UBA3: variants seen among roughly 807,000 people sequenced by gnomAD.
UBA3 encodes ubiquitin like modifier activating enzyme 3.
Under a neutral mutation model 73.5 loss-of-function variants are expected in UBA3, and 26 were observed. The ratio of observed to expected loss-of-function variants is 0.35; its 90% confidence interval spans 0.26 to 0.49. The LOEUF (loss-of-function observed/expected upper bound fraction) is 0.49. Among genes scored for constraint, UBA3 ranks in the 20% least tolerant of loss-of-function variants. The pLI, the probability that UBA3 is intolerant of heterozygous loss-of-function variation, is 0.98. For missense variants in UBA3, 495 were observed against 555.6 expected, an observed-to-expected ratio of 0.89 and a Z score of 1.10; for synonymous variants, 217 against 191.2, an observed-to-expected ratio of 1.13 and a Z score of -1.11.
chr3:69,075,730 C>CT (rs60272924), intron 3 of UBA3, among the ~76,000 whole-genome samples: 34,836 of 149,588 alleles, frequency 0.23, 4,081 homozygotes, highest in East Asian at 0.38. Flanking sequence ...GTTAATTTTT[C>CT]TTTTTTTTTT....
Position 69,072,858 on chromosome 3 carries a change from GA to G in UBA3, c.265-1242del, listed in dbSNP as rs1450603725. 2.6e-5 allele frequency among the ~76,000 whole-genome samples: 4 copies of G among 152,256 alleles called. No homozygotes were observed. The East Asian group carries it at 5.8e-4, about 22-fold the overall frequency. ...CCATCTTTCCAGGTGCCCGCCCCTA[GA>G]GCAAAAACCTTGTTGTATCATCCTC... On this transcript the variant is annotated intron_variant, in intron 4 of 17. Transcript: ENST00000361055.
At chr3:69,059,457 T>A (rs983297921) in intron 11 of UBA3, among the ~76,000 whole-genome samples, 1 of 152,130 alleles carries the variant, frequency 6.6e-6, no homozygotes, top group Non-Finnish European at 1.5e-5. Context: ...AAAAATAGAA[T>A]GGTGAATGGC....
chr3:69,071,749 A>T (rs145840595), intron 4 of UBA3, 132 bp from the exon 5 acceptor site: 17 of 560,800 alleles, frequency 3.0e-5, no homozygotes, highest in Non-Finnish European at 3.1e-6. Context: ...TCAATGGCTG[A>T]AAGACTCTTG....
At position 69,071,546 on chromosome 3, in the gene UBA3, C is replaced by G; in HGVS notation, c.336G>C (p.Gln112His). 6.5e-7 allele frequency: 1 copy of G among 1,538,170 alleles called. No individual in the cohort carries two copies. The highest frequency in any genetic ancestry group is 2.4e-5 in the East Asian group (1 of 42,268). The change falls in exon 5 of 18, where the codon CAG (glutamine) becomes CAC (histidine). Residue 112 changes from glutamine to histidine, a missense_variant. Transcript: ENST00000361055. ...ATATTAAAACTTACCTAAATAAAAACTGCCTATTTAGATTGGAAACATCTA... is the reference window on the plus strand; with the variant it reads ...ATATTAAAACTTACCTAAATAAAAAGTGCCTATTTAGATTGGAAACATCTA... ...DTIDVSNLNR[Q>H]FLFRPKDIGR... is the part of the protein sequence containing the mutation.
chr3:69,069,472 A>C (rs1234763151), intron 5 of UBA3, among the ~76,000 whole-genome samples: 1 of 152,046 alleles, frequency 6.6e-6, no homozygotes, highest in East Asian at 1.9e-4. Flanking sequence ...GACTACGGGC[A>C]TGAGTCACTA....
chr3:69,067,270 A>G (rs2092080426), intron 6 of UBA3, among the ~76,000 whole-genome samples: 1 of 152,198 alleles, frequency 6.6e-6, no homozygotes, highest in Admixed American at 6.5e-5. Context: ...TTTTCACTAT[A>G]TAAATCTCTT....
chr3:69,068,323 T>C (rs778768576), intron 5 of UBA3, among the ~76,000 whole-genome samples: 3 of 152,078 alleles, frequency 2.0e-5, no homozygotes, highest in East Asian at 1.9e-4. Context: ...CTTTCCACTG[T>C]AAAAAATTAT....
At chr3:69,078,008 A>G in intron 2 of UBA3, 90 bp from the exon 3 acceptor site, 1 of 1,421,488 alleles carries the variant, frequency 7.0e-7, no homozygotes. Context: ...TGAAAAGGTA[A>G]CCACACCAGA....
intron 2 of UBA3, among the ~76,000 whole-genome samples, chr3:69,079,259 TTTAA>T (rs1239251862): frequency 1.3e-5 from 2 of 152,196 alleles, no homozygotes; most frequent in Non-Finnish European, 2.9e-5. Flanking sequence ...GTAAGCAATG[TTTAA>T]TTGTGATTTC....
chr3:69,070,391 C>T (rs1293937243), intron 5 of UBA3, among the ~76,000 whole-genome samples: 1 of 152,146 alleles, frequency 6.6e-6, no homozygotes, highest in Non-Finnish European at 1.5e-5. Context: ...GGTTTTATGC[C>T]TATCCAAAAA....
chr3:69,071,475 A>G, intron 5 of UBA3, 60 bp downstream of exon 5: 2 of 902,068 alleles, frequency 2.2e-6, no homozygotes, highest in Non-Finnish European at 1.7e-6. Flanking sequence ...ACTGCAATGT[A>G]CAAGTTCAAA....
At chr3:69,067,843 A>G (rs1158872024) in intron 6 of UBA3, 85 bp downstream of exon 6, 2 of 997,994 alleles carry the variant, frequency 2.0e-6, no homozygotes, top group Middle Eastern at 2.4e-4. Context: ...CCTCTTGCTT[A>G]TCTGTATTCT....
At chr3:69,067,834 C>G (rs920486087) in intron 6 of UBA3, 94 bp downstream of exon 6, 3 of 893,876 alleles carry the variant, frequency 3.4e-6, no homozygotes, top group Non-Finnish European at 5.1e-6. Flanking sequence ...CTTTTTTTCC[C>G]TCTTGCTTAT....
rs758765559 is a variant in UBA3, at chr3:69,071,568, T to C, written c.314A>G (p.Asp105Gly). 1 of 1,568,850 alleles carries C rather than the reference T, an allele frequency of 6.4e-7. No homozygotes were observed. Among genetic ancestry groups the C allele is most frequent in the Non-Finnish European group, 8.6e-7 (1 of 1,165,740 alleles). Residue 105 changes from aspartate (D) to glycine (G), a missense_variant, in exon 5 of 18, where the codon GAT becomes GGT. Physicochemically the swap from Asp to Gly is moderately conservative, Grantham distance 94. Transcript: ENST00000361055. ...AAACTGCCTATTTAGATTGGAAACATCTATAGTGTCCATATCTATAACATG... is the reference window on the plus strand; with the variant it reads ...AAACTGCCTATTTAGATTGGAAACACCTATAGTGTCCATATCTATAACATG... Reference protein sequence around the residue: ...QIHVIDMDTIDVSNLNRQFLF... With the variant: ...QIHVIDMDTIGVSNLNRQFLF...
chr3:69,058,607 T>C (rs2091996650), intron 11 of UBA3, among the ~76,000 whole-genome samples: 2 of 152,314 alleles, frequency 1.3e-5, no homozygotes, highest in Middle Eastern at 6.8e-3. Flanking sequence ...GAACCACATG[T>C]AGCAGGATGT....
At chr3:69,077,752 A>C in intron 3 of UBA3, 46 bp downstream of exon 3, 1 of 1,533,740 alleles carries the variant, frequency 6.5e-7, no homozygotes, top group Non-Finnish European at 8.8e-7. Flanking sequence ...TTAGTTTTGA[A>C]ACATAAAACT....
At chr3:69,079,406 G>A (rs1453093367) in intron 2 of UBA3, among the ~76,000 whole-genome samples, 4 of 152,218 alleles carry the variant, frequency 2.6e-5, no homozygotes, top group South Asian at 4.1e-4. Flanking sequence ...GAATCGGCAC[G>A]GAAATTTACA....
At chr3:69,060,382 G>A (rs2092012005) in intron 11 of UBA3, among the ~76,000 whole-genome samples, 1 of 151,588 alleles carries the variant, frequency 6.6e-6, no homozygotes, top group Non-Finnish European at 1.5e-5. Context: ...CCAGCTTTCA[G>A]TGGCTAGTAA....
At chr3:69,076,139 T>C (rs2092164809) in intron 3 of UBA3, among the ~76,000 whole-genome samples, 1 of 152,206 alleles carries the variant, frequency 6.6e-6, no homozygotes, top group South Asian at 2.1e-4. Flanking sequence ...ATAGAGAACA[T>C]CAAATTCAGT....
Sources: gnomAD v4.1 joint callset for allele counts (sites outside exome capture counted in the v4.1 genomes callset) on GRCh38, gnomAD v4.1.1 for gene constraint, MANE v1.5 for transcripts, NCBI Gene and HGNC (gene_info 2026-07-23, HGNC 2026-07-21) for gene names.